Variants in FRMD3 observed in about 807,000 individuals in gnomAD.
FRMD3 encodes the protein FERM domain-containing protein 3.
FRMD3 carries 33 observed loss-of-function variants against 70.2 expected under a neutral mutation model. The ratio of observed to expected loss-of-function variants is 0.47; its 90% CI spans 0.36 to 0.63. The LOEUF (loss-of-function observed/expected upper bound fraction) is 0.63. Among genes scored for constraint, FRMD3 ranks in the 20% least tolerant of loss-of-function variants. The pLI is 0.00. For missense variants in FRMD3, 632 were observed against 711.4 expected, an observed-to-expected ratio of 0.89 and a Z score of 1.27; for synonymous variants, 279 against 255.9, an observed-to-expected ratio of 1.09 and a Z score of -0.86.
At chr9:83,472,922 T>C (rs1421471876) in intron 1 of FRMD3, among the ~76,000 whole-genome samples, 1 of 152,094 alleles carries the variant, frequency 6.6e-6, no homozygotes, top group Non-Finnish European at 1.5e-5. Context: ...CGAGTGTTCT[T>C]TCAAAACTAT....
chr9:83,570,151 T>C, the FRMD3 span, among the ~76,000 whole-genome samples: 18,052 of 152,236 alleles, frequency 0.12, 1,375 homozygotes, highest in African/African-American at 0.22. Flanking sequence ...AAGTATCTAC[T>C]GTATGTCAGG....
At chr9:83,398,694 T>C (rs2131313980) in intron 1 of FRMD3, among the ~76,000 whole-genome samples, 2 of 152,302 alleles carry the variant, frequency 1.3e-5, no homozygotes, top group Middle Eastern at 6.8e-3. Flanking sequence ...AAATATGTAA[T>C]TCTGAATACA....
At chr9:83,485,766 A>C (rs1290562201) in intron 1 of FRMD3, among the ~76,000 whole-genome samples, 1 of 152,218 alleles carries the variant, frequency 6.6e-6, no homozygotes, top group Non-Finnish European at 1.5e-5. Flanking sequence ...CCCAACTTTC[A>C]ACTCCATTCA....
At chr9:83,526,735 C>T (rs941370822) in intron 1 of FRMD3, among the ~76,000 whole-genome samples, 1 of 152,152 alleles carries the variant, frequency 6.6e-6, no homozygotes, top group African/African-American at 2.4e-5. Flanking sequence ...ATCTCTACTT[C>T]CAGCTCTGTG....
At chr9:83,310,426 T>C in intron 9 of FRMD3, 59 bp downstream of exon 9, 2 of 1,327,946 alleles carry the variant, frequency 1.5e-6, no homozygotes, top group East Asian at 2.3e-5. Flanking sequence ...CATATTTTAC[T>C]CCTGAATCTC....
intron 2 of FRMD3, among the ~76,000 whole-genome samples, chr9:83,378,267 T>G (rs1158398715): frequency 7.0e-6 from 1 of 142,700 alleles, no homozygotes; most frequent in East Asian, 2.0e-4. Context: ...TTTTGTTTTT[T>G]TTGTTTTTTT....
chr9:83,343,165 G>T, intron 5 of FRMD3, 25 bp downstream of exon 5: 1 of 1,509,548 alleles, frequency 6.6e-7, no homozygotes, highest in Non-Finnish European at 9.2e-7. Context: ...CAAAGGTGGC[G>T]TGGGTGAGCT....
Position 83,247,098 on chromosome 9 carries a change from A to C in FRMD3, c.*820T>G. The C allele has an allele frequency of 1.0e-6, 1 of 985,444 alleles. No homozygotes were observed. 61.0% of individuals were successfully genotyped at this position (985,444 alleles called of 1,614,324 possible). Reference sequence around the variant, plus strand: ...ATATACGGACAGAATACAAATGAAAATAACAAGTCCTCTTGTCCAAATACT... The same window carrying C: ...ATATACGGACAGAATACAAATGAAACTAACAAGTCCTCTTGTCCAAATACT... On this transcript the variant is annotated 3_prime_UTR_variant, in exon 14 of 14. Coordinates refer to ENST00000304195, the MANE Select transcript of FRMD3 (RefSeq NM_174938.6).
At position 83,343,286 on chromosome 9, in the gene FRMD3, A is replaced by G; in HGVS notation, c.376T>C (p.Tyr126His). The G allele has an allele frequency of 6.2e-7, 1 of 1,604,718 alleles. No individual in the cohort carries two copies. The highest frequency in any genetic ancestry group is 8.5e-7 in the Non-Finnish European group (1 of 1,171,448). Residue 126 changes from tyrosine (Y) to histidine (H), a missense_variant and splice_region_variant, in exon 5 of 14, where the codon TAC becomes CAC. Tyr to His is a moderately conservative substitution (Grantham distance 83). Coordinates refer to ENST00000304195, the MANE Select transcript of FRMD3 (RefSeq NM_174938.6). The stretch of plus-strand genomic sequence containing the variant: ...CTTTTAATCTGAAGGTATAAAAGGT[A>G]TCTGCAATACAAAAGGAGAAATGGT... ...PLKIKEELTR[Y>H]LLYLQIKRDI...
At chr9:83,332,026 T>C in intron 6 of FRMD3, 1 of 645,362 alleles carries the variant, frequency 1.5e-6, no homozygotes. Context: ...CTGACTTCCC[T>C]GAGTGACAAT....
At chr9:83,455,223 T>C (rs1347907429) in intron 1 of FRMD3, among the ~76,000 whole-genome samples, 1 of 152,224 alleles carries the variant, frequency 6.6e-6, no homozygotes, top group Non-Finnish European at 1.5e-5. Flanking sequence ...TGCACTTCTT[T>C]ATACTTTTAC....
chr9:83,336,854 G>A (rs1252999441), intron 5 of FRMD3, among the ~76,000 whole-genome samples: 1 of 151,668 alleles, frequency 6.6e-6, no homozygotes, highest in Non-Finnish European at 1.5e-5. Context: ...CTGCACCACT[G>A]ATATCAACCA....
intron 4 of FRMD3, among the ~76,000 whole-genome samples, chr9:83,345,755 T>C (rs1823936587): frequency 6.6e-6 from 1 of 151,574 alleles, no homozygotes; most frequent in African/African-American, 2.4e-5. Context: ...AGACTCCATC[T>C]CAAAAAATAA....
At chr9:83,262,271 C>CTGT in intron 13 of FRMD3, among the ~76,000 whole-genome samples, 1 of 152,218 alleles carries the variant, frequency 6.6e-6, no homozygotes, top group African/African-American at 2.4e-5. Flanking sequence ...CAATAACACA[C>CTGT]ACTATGTAGT....
intron 1 of FRMD3, among the ~76,000 whole-genome samples, chr9:83,496,792 CAAACA>C (rs1828953457): frequency 6.6e-6 from 1 of 152,138 alleles, no homozygotes. Context: ...AAACTAAAAA[CAAACA>C]AAACAAATGA....
intron 3 of FRMD3, among the ~76,000 whole-genome samples, chr9:83,367,913 C>T (rs1824841899): frequency 6.6e-6 from 1 of 152,126 alleles, no homozygotes; most frequent in African/African-American, 2.4e-5. Context: ...TGTCTTCTCC[C>T]TCTTTTTTTC....
intron 1 of FRMD3, among the ~76,000 whole-genome samples, chr9:83,457,949 A>G (rs1463665005): frequency 1.3e-5 from 2 of 151,090 alleles, no homozygotes; most frequent in African/African-American, 4.9e-5. Context: ...AAGCTGAAAA[A>G]GTAAATAAAA....
chr9:83,393,913 T>A (rs1247962178), intron 1 of FRMD3, among the ~76,000 whole-genome samples: 1 of 146,110 alleles, frequency 6.8e-6, no homozygotes, highest in Non-Finnish European at 1.5e-5. Context: ...TTCTATTGTG[T>A]GTGTGTTTTT....
chr9:83,442,871 A>G (rs1234783426), intron 1 of FRMD3, among the ~76,000 whole-genome samples: 2 of 152,146 alleles, frequency 1.3e-5, no homozygotes, highest in Non-Finnish European at 2.9e-5. Flanking sequence ...ATTCCTTCTA[A>G]ACCAAAAGTC....
Sources: allele counts gnomAD v4.1 joint callset (sites outside exome capture counted in the v4.1 genomes callset), GRCh38; gene constraint gnomAD v4.1.1; transcripts MANE v1.5; gene names NCBI Gene and HGNC (gene_info 2026-07-23, HGNC 2026-07-21).